WDR7: variants seen among roughly 807,000 people sequenced by gnomAD.
WDR7 encodes WD repeat-containing protein 7.
Under a neutral mutation model 169.4 loss-of-function variants are expected in WDR7, and 46 were observed. The observed-to-expected ratio is 0.27, with a 90% CI of 0.21 to 0.35. WDR7 has a LOEUF of 0.35. WDR7 is among the 10% of genes least tolerant of loss of function. The pLI is 1.00. For synonymous variants in WDR7, 612 were observed against 666.8 expected (o/e 0.92, Z 1.27); for missense variants, 1,534 against 1,859.3 (o/e 0.83, Z 3.22).
At chr18:57,022,282 C>T (rs917978899) in intron 27 of WDR7, among the ~76,000 whole-genome samples, 1 of 152,230 alleles carries the variant, frequency 6.6e-6, no homozygotes, top group African/African-American at 2.4e-5. Flanking sequence ...GTTATGTCAG[C>T]TGTACCTTCA....
rs114478197 is a variant in WDR7, at chr18:56,798,175, C to T, written c.3190+16519C>T. 6.5e-3 allele frequency among the ~76,000 whole-genome samples: 983 copies of T among 152,136 alleles called. 14 individuals are homozygous for T. Among genetic ancestry groups the T allele is most frequent in the African/African-American group, 0.022 (917 of 41,496 alleles). On this transcript the variant is annotated intron_variant, in intron 19 of 27. Transcript: ENST00000254442. The stretch of plus-strand genomic sequence containing the variant: ...GTAATAGCAAATTTAATTATATTGA[C>T]GATAATAATCACTGTAGAAAGCACA...
At position 56,731,370 on chromosome 18, in the gene WDR7, A is replaced by T. The variant is rs774490249; in HGVS notation, c.1775-13A>T. The stretch of plus-strand genomic sequence containing the variant: ...AGTGTTATGAAATATTTGTGAATAT[A>T]TTTTTCTCGCAGGTGCATTGGATCG... On this transcript the variant is annotated splice_polypyrimidine_tract_variant and intron_variant, in intron 13 of 27. Transcript: ENST00000254442. 75 of 1,609,068 alleles carry T rather than the reference A, an allele frequency of 4.7e-5. No individual in the cohort carries two copies. The highest frequency in any genetic ancestry group is 2.0e-5 in the Non-Finnish European group (23 of 1,176,076).
At chr18:56,931,552 G>A (rs1023047558) in intron 22 of WDR7, among the ~76,000 whole-genome samples, 3 of 152,048 alleles carry the variant, frequency 2.0e-5, no homozygotes, top group Non-Finnish European at 2.9e-5. Context: ...GGGCTGTACC[G>A]GGCACTTTGG....
At chr18:56,901,005 C>A (rs1465531095) in intron 21 of WDR7, among the ~76,000 whole-genome samples, 1 of 152,236 alleles carries the variant, frequency 6.6e-6, no homozygotes, top group African/African-American at 2.4e-5. Context: ...ACATTGCTAA[C>A]TGTTCTAGAA....
chr18:56,988,913 T>G (rs535666552), intron 26 of WDR7, among the ~76,000 whole-genome samples: 2 of 152,128 alleles, frequency 1.3e-5, no homozygotes, highest in Non-Finnish European at 2.9e-5. Context: ...TCTTGTAAAT[T>G]GATTATATTT....
chr18:56,842,320 A>C (rs1270792910), intron 20 of WDR7, among the ~76,000 whole-genome samples: 1 of 133,728 alleles, frequency 7.5e-6, no homozygotes, highest in Non-Finnish European at 1.6e-5. Flanking sequence ...CCCTGTGTGC[A>C]TGTAAGGGTC....
intron 26 of WDR7, among the ~76,000 whole-genome samples, chr18:56,975,786 G>A (rs2047556630): frequency 6.6e-6 from 1 of 152,166 alleles, no homozygotes; most frequent in African/African-American, 2.4e-5. Flanking sequence ...GCTGTATGGA[G>A]AGGAATCAGA....
At chr18:56,932,626 G>T (rs1317613914) in intron 22 of WDR7, among the ~76,000 whole-genome samples, 2 of 152,150 alleles carry the variant, frequency 1.3e-5, no homozygotes, top group East Asian at 3.9e-4. Flanking sequence ...ACATATAATA[G>T]AGGAGCCGGC....
chr18:56,878,133 TAAG>T (rs763678843), intron 20 of WDR7, among the ~76,000 whole-genome samples: 1 of 152,232 alleles, frequency 6.6e-6, no homozygotes, highest in African/African-American at 2.4e-5. Flanking sequence ...AAGGAAATTT[TAAG>T]AAGTAACATT....
chr18:56,916,241 A>G (rs2046623467), intron 21 of WDR7, among the ~76,000 whole-genome samples: 1 of 151,934 alleles, frequency 6.6e-6, no homozygotes, highest in African/African-American at 2.4e-5. Context: ...TACATTAGGT[A>G]TATCTCCTAA....
chr18:56,727,670 A>G (rs1042231455), intron 13 of WDR7, among the ~76,000 whole-genome samples: 5 of 152,160 alleles, frequency 3.3e-5, no homozygotes, highest in African/African-American at 1.2e-4. Flanking sequence ...ACACATGGGG[A>G]TTATTACAAT....
chr18:56,827,344 G>C (rs569399939), intron 20 of WDR7, among the ~76,000 whole-genome samples: 16 of 152,252 alleles, frequency 1.1e-4, no homozygotes, highest in African/African-American at 3.1e-4. Flanking sequence ...AATCACAATG[G>C]AGCAATGGAG....
At position 56,988,590 on chromosome 18, in the gene WDR7, A is replaced by AGTGTGTGTGTGTGT. The variant is rs71171009; in HGVS notation, c.4164+26094_4164+26107dup. Among the ~76,000 whole-genome samples the AGTGTGTGTGTGTGT allele has an allele frequency of 4.9e-4, 70 of 142,684 alleles. No homozygotes were observed. In the East Asian group the frequency reaches 5.0e-3, roughly 10 times the overall value. The allele number at this position is 142,684 out of a possible 152,430, so 93.6% of individuals were successfully genotyped here. ...CAGAAGAAAGACCTCATGGAAGGCAAGTGTGTGTGTGTGTGTGTGTGTGTG... is the reference window on the plus strand; with the variant it reads ...CAGAAGAAAGACCTCATGGAAGGCAAGTGTGTGTGTGTGTGTGTGTGTGTGTGTGTGTGTGTGTG... On this transcript the variant is annotated intron_variant, in intron 26 of 27. Coordinates refer to ENST00000254442, the MANE Select transcript of WDR7 (RefSeq NM_015285.3).
In WDR7 at chr18:56,756,127, G is replaced by C. The variant is rs190699975; in HGVS notation, c.1990-456G>C. On this transcript the variant is annotated intron_variant, in intron 14 of 27. Coordinates refer to ENST00000254442, the MANE Select transcript of WDR7 (RefSeq NM_015285.3). Reference sequence around the variant, plus strand: ...TCTTTATTCAGGGAATGGAATCTTTGAATAGGGAGAGATTGAAGGTAAAAT... The same window carrying C: ...TCTTTATTCAGGGAATGGAATCTTTCAATAGGGAGAGATTGAAGGTAAAAT... Among the ~76,000 whole-genome samples the C allele has an allele frequency of 2.9e-3, 438 of 152,260 alleles. 4 individuals are homozygous for C. Among genetic ancestry groups the C allele is most frequent in the Non-Finnish European group, 2.0e-3 (137 of 68,016 alleles).
intron 12 of WDR7, among the ~76,000 whole-genome samples, chr18:56,700,794 C>T (rs1375336191): frequency 3.3e-5 from 5 of 151,742 alleles, no homozygotes; most frequent in Admixed American, 6.6e-5. Context: ...TGGTCTCGAT[C>T]TCCTGACCTC....
At chr18:57,010,728 TAATA>T (rs2048124067) in intron 26 of WDR7, among the ~76,000 whole-genome samples, 1 of 152,206 alleles carries the variant, frequency 6.6e-6, no homozygotes, top group Non-Finnish European at 1.5e-5. Context: ...ATATTGGGCC[TAATA>T]AATCAGAAGA....
At chr18:56,709,868 TGG>T (rs1568150904) in intron 12 of WDR7, among the ~76,000 whole-genome samples, 1 of 152,088 alleles carries the variant, frequency 6.6e-6, no homozygotes, top group East Asian at 1.9e-4. Flanking sequence ...TTTAAAAATG[TGG>T]TATAGTTTTC....
chr18:56,862,569 T>C (rs774950814), intron 20 of WDR7, among the ~76,000 whole-genome samples: 14 of 151,716 alleles, frequency 9.2e-5, no homozygotes, highest in Non-Finnish European at 1.5e-4. Context: ...TGTTTTAGTT[T>C]TTAGAACCTG....
chr18:56,743,601 T>G (rs1400931532), intron 14 of WDR7, among the ~76,000 whole-genome samples: 1 of 152,208 alleles, frequency 6.6e-6, no homozygotes, highest in Non-Finnish European at 1.5e-5. Flanking sequence ...AAGAACTGTC[T>G]TCCCAGGATG....
Sources: allele counts gnomAD v4.1 joint callset (sites outside exome capture counted in the v4.1 genomes callset), GRCh38; gene constraint gnomAD v4.1.1; transcripts MANE v1.5; gene names NCBI Gene and HGNC (gene_info 2026-07-23, HGNC 2026-07-21).